The following BMPR1B variants were observed in gnomAD, a reference collection of about 807,000 sequenced individuals.
BMPR1B encodes the protein bone morphogenetic protein receptor type 1B.
BMPR1B carries 12 observed loss-of-function variants against 59.1 expected under a neutral mutation model. The observed-to-expected ratio is 0.20, with a 90% confidence interval of 0.13 to 0.33. The LOEUF (loss-of-function observed/expected upper bound fraction) is 0.33. BMPR1B is among the 10% of genes least tolerant of loss of function. The probability of loss-of-function intolerance (pLI) is 1.00; values close to 1 mark genes in which losing one functional copy is unlikely to be tolerated. For synonymous variants in BMPR1B, 237 were observed against 207.3 expected (o/e 1.14, Z -1.23); for missense variants, 550 against 610.9 (o/e 0.90, Z 1.05).
chr4:95,071,203 G>A (rs1728252707), intron 3 of BMPR1B, among the ~76,000 whole-genome samples: 1 of 152,096 alleles, frequency 6.6e-6, no homozygotes, highest in Non-Finnish European at 1.5e-5. Context: ...TTATTTAATA[G>A]AGGAGAGTCA....
intron 1 of BMPR1B, among the ~76,000 whole-genome samples, chr4:94,782,585 T>A (rs1722628757): frequency 6.6e-6 from 1 of 152,160 alleles, no homozygotes; most frequent in Non-Finnish European, 1.5e-5. Flanking sequence ...GGATTACAGG[T>A]GTGAACTGTC....
intron 3 of BMPR1B, among the ~76,000 whole-genome samples, chr4:95,011,237 C>CCCACCCT (rs1197448612): frequency 6.6e-6 from 1 of 151,986 alleles, no homozygotes; most frequent in Non-Finnish European, 1.5e-5. Flanking sequence ...TCTCCCTCCG[C>CCCACCCT]CCACCCTCCA....
At chr4:94,930,937 T>TTATGAGGTTTTGTTTA (rs1578815313) in intron 2 of BMPR1B, among the ~76,000 whole-genome samples, 1 of 152,246 alleles carries the variant, frequency 6.6e-6, no homozygotes, top group East Asian at 1.9e-4. Context: ...ATCTTTTGTT[T>TTATGAGGTTTTGTTTA]TGTCAGTTTT....
At chr4:94,962,615 A>G (rs555960406) in intron 2 of BMPR1B, among the ~76,000 whole-genome samples, 1 of 152,232 alleles carries the variant, frequency 6.6e-6, no homozygotes, top group South Asian at 2.1e-4. Context: ...TTCACTTAAC[A>G]TAATGTCCTC....
intron 11 of BMPR1B, among the ~76,000 whole-genome samples, chr4:95,151,900 A>T (rs981558819): frequency 6.6e-6 from 1 of 152,200 alleles, no homozygotes; most frequent in African/African-American, 2.4e-5. Context: ...AGAAGCCTGC[A>T]TTTTTAAAGG....
intron 2 of BMPR1B, among the ~76,000 whole-genome samples, chr4:94,978,727 A>G (rs1201651989): frequency 1.3e-5 from 2 of 152,224 alleles, no homozygotes; most frequent in African/African-American, 4.8e-5. Context: ...CAACAGAAGA[A>G]GAACATTTCG....
intron 2 of BMPR1B, among the ~76,000 whole-genome samples, chr4:94,954,720 T>A (rs934745919): frequency 6.6e-6 from 1 of 152,220 alleles, no homozygotes; most frequent in Non-Finnish European, 1.5e-5. Flanking sequence ...TAGTTTTCTT[T>A]TTTAAATGAT....
At chr4:95,019,348 G>C (rs1467505693) in intron 3 of BMPR1B, among the ~76,000 whole-genome samples, 1 of 152,158 alleles carries the variant, frequency 6.6e-6, no homozygotes, top group African/African-American at 2.4e-5. Context: ...TTCTCTGGAA[G>C]GAAGAGGCTA....
chr4:95,097,325 T>G (rs1414021208), intron 3 of BMPR1B, among the ~76,000 whole-genome samples: 1 of 151,604 alleles, frequency 6.6e-6, no homozygotes, highest in Non-Finnish European at 1.5e-5. Flanking sequence ...AGTGACTTAT[T>G]TGATATAGTA....
At chr4:95,038,245 G>GGGGGAGAAAAAGAGCCCA (rs1182985307) in intron 3 of BMPR1B, among the ~76,000 whole-genome samples, 1 of 152,118 alleles carries the variant, frequency 6.6e-6, no homozygotes, top group Non-Finnish European at 1.5e-5. Flanking sequence ...GGATGAAGAA[G>GGGGGAGAAAAAGAGCCCA]GGGGAGAAAA....
intron 1 of BMPR1B, among the ~76,000 whole-genome samples, chr4:94,855,081 C>G (rs1426431101): frequency 6.6e-6 from 1 of 151,990 alleles, no homozygotes; most frequent in Non-Finnish European, 1.5e-5. Context: ...TCTAACAAAC[C>G]ACTGTGGATG....
chr4:94,974,066 T>C (rs1297238967), intron 2 of BMPR1B, among the ~76,000 whole-genome samples: 1 of 152,192 alleles, frequency 6.6e-6, no homozygotes, highest in African/African-American at 2.4e-5. Context: ...TCTTGAGCAC[T>C]GAATATTATT....
At chr4:94,784,697 C>T (rs1011631374) in intron 1 of BMPR1B, among the ~76,000 whole-genome samples, 9 of 151,992 alleles carry the variant, frequency 5.9e-5, no homozygotes, top group African/African-American at 1.9e-4. Flanking sequence ...TATACTGGGC[C>T]CAGTTGATTT....
intron 1 of BMPR1B, among the ~76,000 whole-genome samples, chr4:94,764,472 G>C (rs1392731076): frequency 6.6e-6 from 1 of 152,070 alleles, no homozygotes; most frequent in African/African-American, 2.4e-5. Flanking sequence ...CAATACCCTT[G>C]GGGTTCTTTT....
intron 1 of BMPR1B, among the ~76,000 whole-genome samples, chr4:94,794,541 T>C (rs1339780305): frequency 7.4e-6 from 1 of 134,936 alleles, no homozygotes; most frequent in African/African-American, 3.0e-5. Context: ...AGTAGTTTTT[T>C]CCAATTCTGT....
chr4:94,779,294 T>C (rs1011763363), intron 1 of BMPR1B, among the ~76,000 whole-genome samples: 8 of 152,214 alleles, frequency 5.3e-5, no homozygotes, highest in Non-Finnish European at 1.2e-4. Flanking sequence ...TCCATTAATG[T>C]CAGCCCTGTT....
chr4:95,031,526 A>G (rs1355568455), intron 3 of BMPR1B, among the ~76,000 whole-genome samples: 2 of 152,068 alleles, frequency 1.3e-5, no homozygotes, highest in Non-Finnish European at 2.9e-5. Flanking sequence ...AGATGCAATC[A>G]TAGTGTACTA....
chr4:95,124,948 A>G (rs1311230597), intron 7 of BMPR1B, 35 bp from the exon 8 acceptor site: 4 of 1,590,024 alleles, frequency 2.5e-6, no homozygotes, highest in South Asian at 1.1e-5. Context: ...ATTGCATTTC[A>G]TTATCTAAAA....
intron 1 of BMPR1B, among the ~76,000 whole-genome samples, chr4:94,761,127 A>G (rs1721746229): frequency 6.6e-6 from 1 of 152,202 alleles, no homozygotes. Context: ...AGAAGTGGGT[A>G]AATATGTCTA....
Sources: gnomAD v4.1 joint callset for allele counts (sites outside exome capture counted in the v4.1 genomes callset) on GRCh38, gnomAD v4.1.1 for gene constraint, MANE v1.5 for transcripts, NCBI Gene and HGNC (gene_info 2026-07-23, HGNC 2026-07-21) for gene names.